The following ATRNL1 variants were observed in gnomAD, a reference collection of about 807,000 sequenced individuals.
ATRNL1 encodes attractin-like protein 1.
ATRNL1 carries 95 observed loss-of-function variants against 182.7 expected under a neutral mutation model. That is an observed-to-expected ratio of 0.52 (90% CI 0.44 to 0.62). ATRNL1 has a LOEUF of 0.62. Ranked by LOEUF, ATRNL1 falls within the 20% of genes least tolerant of loss-of-function variation. The pLI is 0.00. For synonymous variants in ATRNL1, 576 were observed against 568.3 expected (o/e 1.01, Z -0.19); for missense variants, 1,471 against 1,679.5 (o/e 0.88, Z 2.17).
intron 26 of ATRNL1, among the ~76,000 whole-genome samples, chr10:115,627,069 C>T (rs12256640): frequency 0.011 from 1,666 of 152,148 alleles, 30 homozygotes; most frequent in African/African-American, 0.038. Flanking sequence ...GAAAATCAAC[C>T]ATTTTAAACA....
intron 28 of ATRNL1, among the ~76,000 whole-genome samples, chr10:115,860,852 C>T (rs891990011): frequency 6.6e-6 from 1 of 152,162 alleles, no homozygotes; most frequent in Admixed American, 6.5e-5. Context: ...GCTAATTATG[C>T]TCCCTATAAT....
At chr10:115,768,184 C>G (rs1555075475) in intron 27 of ATRNL1, among the ~76,000 whole-genome samples, 1 of 152,090 alleles carries the variant, frequency 6.6e-6, no homozygotes, top group African/African-American at 2.4e-5. Flanking sequence ...CTCTTAACCT[C>G]ATGTTTCTTT....
chr10:115,662,428 A>G (rs1347821701), intron 26 of ATRNL1, among the ~76,000 whole-genome samples: 1 of 152,096 alleles, frequency 6.6e-6, no homozygotes, highest in Non-Finnish European at 1.5e-5. Context: ...CTAGAACTAG[A>G]AATACCATTT....
intron 27 of ATRNL1, among the ~76,000 whole-genome samples, chr10:115,729,850 A>T (rs191604795): frequency 6.6e-6 from 1 of 152,116 alleles, no homozygotes; most frequent in East Asian, 1.9e-4. Context: ...ATTATGGCCT[A>T]TGTAAAGAAC....
intron 5 of ATRNL1, among the ~76,000 whole-genome samples, chr10:115,148,707 G>A (rs997492175): frequency 6.6e-6 from 1 of 150,912 alleles, no homozygotes; most frequent in African/African-American, 2.4e-5. Context: ...AGAGAGAGTG[G>A]TGTTCCGAAT....
At chr10:115,144,470 T>A (rs1845889961) in intron 5 of ATRNL1, among the ~76,000 whole-genome samples, 1 of 152,048 alleles carries the variant, frequency 6.6e-6, no homozygotes, top group East Asian at 1.9e-4. Context: ...TTTTTTGTAT[T>A]TTTACTAGAG....
chr10:115,591,173 A>G (rs115577185), intron 26 of ATRNL1, among the ~76,000 whole-genome samples: 363 of 152,348 alleles, frequency 2.4e-3, no homozygotes, highest in African/African-American at 8.2e-3. Context: ...GCACACACAC[A>G]TAGTAGCAAT....
chr10:115,491,124 C>T (rs1554976480), intron 24 of ATRNL1, among the ~76,000 whole-genome samples: 1 of 152,126 alleles, frequency 6.6e-6, no homozygotes, highest in Non-Finnish European at 1.5e-5. Context: ...CAGAGGGGCA[C>T]CTGCCAAATG....
chr10:115,400,973 A>G (rs1179154515), intron 20 of ATRNL1, among the ~76,000 whole-genome samples: 1 of 152,084 alleles, frequency 6.6e-6, no homozygotes, highest in African/African-American at 2.4e-5. Context: ...TTAATTTCCA[A>G]CAGAATTTAA....
intron 26 of ATRNL1, among the ~76,000 whole-genome samples, chr10:115,563,780 TCAACCACATTGTAAG>T (rs1555000572): frequency 2.6e-5 from 4 of 152,130 alleles, no homozygotes; most frequent in African/African-American, 7.2e-5. Context: ...TCACAATAAT[TCAACCACATTGTAAG>T]GAACATGGAA....
At chr10:115,690,873 G>GT (rs1946370557) in intron 26 of ATRNL1, among the ~76,000 whole-genome samples, 2 of 152,102 alleles carry the variant, frequency 1.3e-5, no homozygotes, top group South Asian at 4.1e-4. Context: ...TTCTGTGGGC[G>GT]TAAGAACTCT....
chr10:115,735,194 A>C (rs1370709683), intron 27 of ATRNL1, among the ~76,000 whole-genome samples: 1 of 152,198 alleles, frequency 6.6e-6, no homozygotes. Context: ...GTCTTTAAGT[A>C]ATGCCTTTAG....
chr10:115,332,956 G>A (rs1217859404), intron 18 of ATRNL1, among the ~76,000 whole-genome samples: 3 of 152,046 alleles, frequency 2.0e-5, no homozygotes, highest in African/African-American at 4.8e-5. Context: ...CTTCCACATA[G>A]CATTGTTTTG....
intron 19 of ATRNL1, among the ~76,000 whole-genome samples, chr10:115,389,589 T>TATATATAC (rs1843911998): frequency 9.5e-6 from 1 of 105,796 alleles, no homozygotes; most frequent in Admixed American, 1.1e-4. Context: ...TATATATATA[T>TATATATAC]ATTTCATCCA....
chr10:115,413,661 T>C (rs985841328), intron 20 of ATRNL1, among the ~76,000 whole-genome samples: 5 of 152,158 alleles, frequency 3.3e-5, no homozygotes, highest in Non-Finnish European at 7.4e-5. Flanking sequence ...CTCTTTTGTT[T>C]ATGTGACACA....
At chr10:115,247,734 C>G (rs1391799124) in intron 10 of ATRNL1, among the ~76,000 whole-genome samples, 3 of 152,106 alleles carry the variant, frequency 2.0e-5, no homozygotes, top group African/African-American at 7.2e-5. Flanking sequence ...AGGTTTATTG[C>G]AGTACTATTC....
chr10:115,633,512 T>G (rs1428100125), intron 26 of ATRNL1, among the ~76,000 whole-genome samples: 3 of 152,238 alleles, frequency 2.0e-5, no homozygotes, highest in Non-Finnish European at 2.9e-5. Context: ...TGAAATGTTT[T>G]GATAGAAGAC....
chr10:115,752,259 A>G (rs2907526), intron 27 of ATRNL1, among the ~76,000 whole-genome samples: 149,392 of 152,124 alleles, frequency 0.98, 73,403 homozygotes, highest in Middle Eastern at 1. Context: ...AAGGAAGATG[A>G]TGAAACATCC....
chr10:115,617,838 G>A (rs1015716877), intron 26 of ATRNL1, among the ~76,000 whole-genome samples: 1 of 152,100 alleles, frequency 6.6e-6, no homozygotes, highest in Non-Finnish European at 1.5e-5. Flanking sequence ...GGCCTGGGGT[G>A]GACTTACTTT....
Sources: gnomAD v4.1 joint callset for allele counts (sites outside exome capture counted in the v4.1 genomes callset) on GRCh38, gnomAD v4.1.1 for gene constraint, MANE v1.5 for transcripts, NCBI Gene and HGNC (gene_info 2026-07-23, HGNC 2026-07-21) for gene names.